REEP1: variants seen among roughly 807,000 people sequenced by gnomAD.
REEP1 encodes the protein receptor expression-enhancing protein 1.
In REEP1, 22 loss-of-function variants were observed where a neutral mutation model predicts 40.3. The observed-to-expected ratio is 0.55, with a 90% CI of 0.39 to 0.78. The LOEUF is 0.78. Ranked by LOEUF, REEP1 falls within the 30% of genes least tolerant of loss-of-function variation. REEP1 has a pLI of 0.00. For synonymous variants in REEP1, 116 were observed against 139.2 expected, an observed-to-expected ratio of 0.83 and a Z score of 1.17; for missense variants, 280 against 361.1, an observed-to-expected ratio of 0.78 and a Z score of 1.82.
chr2:86,296,665 T>C (rs1678998783), intron 1 of REEP1, among the ~76,000 whole-genome samples: 1 of 152,194 alleles, frequency 6.6e-6, no homozygotes, highest in Non-Finnish European at 1.5e-5. Flanking sequence ...GAAACCAGCC[T>C]GGCCAATGTG....
intron 5 of REEP1, chr2:86,251,375 A>G (rs1444534873): frequency 1.8e-5 from 3 of 162,442 alleles, no homozygotes; most frequent in Admixed American, 5.6e-5. Context: ...GTTTATTTCA[A>G]ACCTCCTCCA....
chr2:86,288,045 G>A (rs1337132548), intron 1 of REEP1, among the ~76,000 whole-genome samples: 2 of 141,326 alleles, frequency 1.4e-5, no homozygotes, highest in African/African-American at 6.3e-5. Context: ...TTTTTGAGAT[G>A]GAGTCTCGCT....
chr2:86,294,364 T>A (rs879573246), intron 1 of REEP1, among the ~76,000 whole-genome samples: 17 of 152,344 alleles, frequency 1.1e-4, no homozygotes, highest in Admixed American at 2.0e-4. Flanking sequence ...TCTGCATGAA[T>A]ATTTGTTCAA....
chr2:86,239,920 G>C (rs1338177767), intron 5 of REEP1: 1 of 152,482 alleles, frequency 6.6e-6, no homozygotes, highest in Non-Finnish European at 1.5e-5. Flanking sequence ...GGGGACACCT[G>C]CCTCTGATCC....
At chr2:86,294,723 TTAGATAGA>T (rs10674625) in intron 1 of REEP1, among the ~76,000 whole-genome samples, 1,656 of 148,980 alleles carry the variant, frequency 0.011, 38 homozygotes, top group Admixed American at 0.049. Flanking sequence ...GATTTATATT[TTAGATAGA>T]TAGATAGATA....
chr2:86,309,458 G>A (rs1223749641), intron 1 of REEP1, among the ~76,000 whole-genome samples: 7 of 152,180 alleles, frequency 4.6e-5, no homozygotes, highest in Admixed American at 2.0e-4. Context: ...GGCCAAACAC[G>A]GCCTTCACAC....
rs1212172650 is a variant in REEP1 at position 86,259,108 on chromosome 2, C to T, written c.183-4294G>A. Among the ~76,000 whole-genome samples the T allele has an allele frequency of 2.0e-5, 3 of 152,002 alleles. No individual in the cohort carries two copies. In the South Asian group the frequency reaches 6.2e-4, roughly 32 times the overall value. ...GGATCACAAGTTCAGGAGATCGAGA[C>T]CATCCTGGCTAACATGGTGAAAATA... On this transcript the variant is annotated intron_variant, in intron 3 of 8. Transcript: ENST00000538924.
intron 1 of REEP1, among the ~76,000 whole-genome samples, chr2:86,284,505 A>G (rs1678283076): frequency 6.6e-6 from 1 of 152,116 alleles, no homozygotes. Flanking sequence ...TGACCTTGGG[A>G]CTGAGGTCTC....
At chr2:86,263,154 A>T (rs548637544) in intron 3 of REEP1, among the ~76,000 whole-genome samples, 1 of 152,362 alleles carries the variant, frequency 6.6e-6, no homozygotes, top group Admixed American at 6.5e-5. Context: ...TCTCATGTAT[A>T]CTATAATACT....
intron 1 of REEP1, among the ~76,000 whole-genome samples, chr2:86,297,064 C>T (rs1335610325): frequency 1.3e-5 from 2 of 152,196 alleles, no homozygotes; most frequent in Non-Finnish European, 2.9e-5. Context: ...AGACCCAGAG[C>T]CCCTTGCTGA....
At chr2:86,229,288 G>GGAGGAAGGAGCATGCCTTGCT (rs1674884003) in intron 6 of REEP1, among the ~76,000 whole-genome samples, 1 of 152,254 alleles carries the variant, frequency 6.6e-6, no homozygotes, top group Non-Finnish European at 1.5e-5. Flanking sequence ...TTGAGGCTCA[G>GGAGGAAGGAGCATGCCTTGCT]GAGGAAGGAG....
At chr2:86,317,436 T>C (rs1680070288) in intron 1 of REEP1, among the ~76,000 whole-genome samples, 2 of 152,172 alleles carry the variant, frequency 1.3e-5, no homozygotes, top group African/African-American at 4.8e-5. Context: ...TCCTAGGGGA[T>C]CTCAAGAACC....
At chr2:86,320,224 C>T (rs1044686406) in intron 1 of REEP1, among the ~76,000 whole-genome samples, 1 of 152,192 alleles carries the variant, frequency 6.6e-6, no homozygotes, top group Non-Finnish European at 1.5e-5. Context: ...CCGTATTTCC[C>T]CTGAAAACTT....
chr2:86,221,012 T>C (rs1674395602), intron 7 of REEP1, among the ~76,000 whole-genome samples: 1 of 152,214 alleles, frequency 6.6e-6, no homozygotes, highest in East Asian at 1.9e-4. Context: ...CTGCATCTAT[T>C]GTTTTTACCT....
chr2:86,240,148 C>T (rs989494041), intron 5 of REEP1: 2 of 152,594 alleles, frequency 1.3e-5, no homozygotes, highest in Non-Finnish European at 2.9e-5. Flanking sequence ...CATGTCCTCA[C>T]CTCTTTCCTC....
chr2:86,297,081 A>C (rs1159138969), intron 1 of REEP1, among the ~76,000 whole-genome samples: 1 of 152,050 alleles, frequency 6.6e-6, no homozygotes, highest in South Asian at 2.1e-4. Flanking sequence ...CTGAGGGCCT[A>C]CTCCAGGCAG....
chr2:86,232,315 G>A (rs1341574508), intron 6 of REEP1, among the ~76,000 whole-genome samples: 1 of 152,194 alleles, frequency 6.6e-6, no homozygotes, highest in East Asian at 1.9e-4. Context: ...AGTTGTGCCT[G>A]CTGCCTCCAG....
rs1263651952 is a variant in REEP1, at chr2:86,216,332, T to C, written c.*707A>G. 6.6e-6 allele frequency: 1 copy of C among 152,250 alleles called. No homozygotes were observed. Among genetic ancestry groups the C allele is most frequent in the African/African-American group, 2.4e-5 (1 of 41,460 alleles). 9.4% of individuals were successfully genotyped at this position (152,250 alleles called of 1,614,324 possible). A position where few individuals can be genotyped will look rare whatever the true frequency, so the allele number is the denominator to read the frequency against. ...CCCCTGACCTCTCATCACACTTTAC[T>C]GTGTTGTGAAATATTGTTTCTCTTA... is the stretch of plus-strand genomic sequence containing the variant. On this transcript the variant is annotated 3_prime_UTR_variant, in exon 9 of 9. Transcript: ENST00000538924.
At chr2:86,311,201 G>A (rs1012903875) in intron 1 of REEP1, among the ~76,000 whole-genome samples, 43 of 152,142 alleles carry the variant, frequency 2.8e-4, no homozygotes, top group Non-Finnish European at 5.9e-4. Flanking sequence ...AAATAATTGT[G>A]AGCACTAGAA....
Sources: gnomAD v4.1 joint callset for allele counts (sites outside exome capture counted in the v4.1 genomes callset) on GRCh38, gnomAD v4.1.1 for gene constraint, MANE v1.5 for transcripts, NCBI Gene and HGNC (gene_info 2026-07-23, HGNC 2026-07-21) for gene names.